Variants in PRSS56 observed in about 807,000 individuals in gnomAD.
The protein encoded by PRSS56 is serine protease 56, also known as protease, serine 56.
In PRSS56, 55 loss-of-function variants were observed where a neutral mutation model predicts 66.8. The observed-to-expected ratio is 0.82, with a 90% CI of 0.66 to 1.03. The LOEUF is 1.03. PRSS56 is among the 50% of genes least tolerant of loss of function. PRSS56 has a pLI of 0.00. For synonymous variants in PRSS56, 409 were observed against 387.9 expected, an observed-to-expected ratio of 1.05 and a Z score of -0.64; for missense variants, 869 against 837.2, an observed-to-expected ratio of 1.04 and a Z score of -0.47.
In PRSS56 at chr2:232,525,441, C is replaced by A; in HGVS notation, c.1747C>A (p.Pro583Thr). Residue 583 changes from proline (P) to threonine (T), a missense_variant, in exon 13 of 13, where the codon CCC becomes ACC. By Grantham distance (38) the Pro-to-Thr change is conservative (BLOSUM62 -1). Coordinates refer to ENST00000617714, the MANE Select transcript of PRSS56 (RefSeq NM_001195129.2). The part of the protein sequence containing the change: ...EGPWMDVGQG[P>T]GLERKGHHPL... The stretch of plus-strand genomic sequence containing the variant: ...ACCCTGGATGGATGTAGGGCAGGGG[C>A]CCGGGCTGGAGAGGAAGGGGCACCA... The A allele has an allele frequency of 6.5e-7, 1 of 1,530,310 alleles. No homozygotes were observed. Among genetic ancestry groups the A allele is most frequent in the Non-Finnish European group, 8.7e-7 (1 of 1,143,564 alleles). 94.8% of individuals were successfully genotyped at this position (1,530,310 alleles called of 1,614,324 possible). A position where few individuals can be genotyped will look rare whatever the true frequency, so the allele number is the denominator to read the frequency against.
chr2:232,522,366 C>T, intron 4 of PRSS56, 149 bp from the exon 5 acceptor site: 2 of 826,342 alleles, frequency 2.4e-6, no homozygotes, highest in East Asian at 3.3e-5. Flanking sequence ...GGCGAGTTCG[C>T]CCCCTCTGGG....
rs1691311975 is a variant in PRSS56, at chr2:232,522,803, C to G, written c.648C>G (p.Pro216=). 6.7e-7 allele frequency: 1 copy of G among 1,503,308 alleles called. No homozygotes were observed. Among genetic ancestry groups the G allele is most frequent in the African/African-American group, 1.4e-5 (1 of 72,212 alleles). The allele number at this position is 1,503,308 out of a possible 1,614,324, so 93.1% of individuals were successfully genotyped here. The change falls in exon 6 of 13, where the codon CCC becomes CCG. Residue 216 remains proline (P), a synonymous_variant. Coordinates refer to ENST00000617714, the MANE Select transcript of PRSS56 (RefSeq NM_001195129.2). ...SARPVCLPQE[P]QEPPAGTACA... ...GCCCCGTGTGCCTGCCCCAGGAGCCCCAGGAGCCCCCTGCCGGAACCGCCT... is the reference window on the plus strand; with the variant it reads ...GCCCCGTGTGCCTGCCCCAGGAGCCGCAGGAGCCCCCTGCCGGAACCGCCT...
intron 8 of PRSS56, 34 bp from the exon 9 acceptor site, chr2:232,523,736 CAG>C: frequency 2.6e-6 from 4 of 1,533,668 alleles, no homozygotes; most frequent in Non-Finnish European, 3.5e-6. Context: ...GGGCCCCAAA[CAG>C]AGGGTGAGCT....
chr2:232,525,288 C>T lies in PRSS56; in HGVS notation c.1594C>T (p.Arg532Trp), dbSNP rs560464510. Residue 532 changes from arginine (R) to tryptophan (W), a missense_variant, in exon 13 of 13, where the codon CGG (arginine) becomes TGG (tryptophan). Physicochemically the swap from Arg to Trp is moderately radical, Grantham distance 101 (BLOSUM62 -3). Coordinates refer to ENST00000617714, the MANE Select transcript of PRSS56 (RefSeq NM_001195129.2). ...CTGGGTGCGGGCAGGCTTGGGGGGC[C>T]GGCATGTGGCCTTCAGCGGCCTGGT... ...RAWVRAGLGG[R>W]HVAFSGLVGL... The T allele has an allele frequency of 2.0e-5, 31 of 1,521,816 alleles. No individual in the cohort carries two copies. Among genetic ancestry groups the T allele is most frequent in the Non-Finnish European group, 2.5e-5 (28 of 1,138,126 alleles). The allele number at this position is 1,521,816 out of a possible 1,614,324, so 94.3% of individuals were successfully genotyped here. A position where few individuals can be genotyped will look rare whatever the true frequency, so the allele number is the denominator to read the frequency against.
At chr2:232,521,613 C>T (rs984583339) in intron 2 of PRSS56, among the ~76,000 whole-genome samples, 185 bp downstream of exon 2, 1 of 152,248 alleles carries the variant, frequency 6.6e-6, no homozygotes, top group African/African-American at 2.4e-5. Context: ...AGGCTTGGGG[C>T]ATGGCCTGTG....
chr2:232,524,479 G>A, intron 11 of PRSS56, 110 bp downstream of exon 11: 3 of 1,076,840 alleles, frequency 2.8e-6, no homozygotes, highest in East Asian at 5.2e-5. Flanking sequence ...GGGGCAACAG[G>A]GTGGACTCGT....
chr2:232,523,976 G>C (rs79792358), intron 9 of PRSS56, 31 bp downstream of exon 9: 1 of 1,521,628 alleles, frequency 6.6e-7, no homozygotes, highest in East Asian at 2.5e-5. Flanking sequence ...CCCGGACGGG[G>C]GGCAGAGGGG....
intron 3 of PRSS56, 48 bp downstream of exon 3, chr2:232,521,914 C>A (rs1453865999): frequency 7.9e-6 from 12 of 1,527,468 alleles, no homozygotes; most frequent in Non-Finnish European, 8.8e-7. Context: ...CCGGGTGGGC[C>A]TCGAAGGCGA....
At chr2:232,523,224 A>G in intron 7 of PRSS56, 22 bp downstream of exon 7, 1 of 1,431,010 alleles carries the variant, frequency 7.0e-7, no homozygotes, top group Middle Eastern at 1.8e-4. Flanking sequence ...GTCTGATGAG[A>G]AAAGGCCGGC....
Position 232,522,175 on chromosome 2 carries a change from C to T in PRSS56, c.446+15C>T. On this transcript the variant is annotated intron_variant, in intron 4 of 12. Transcript: ENST00000617714. ...TGCTTTGTAGGGTAAGTAGGACCCCCAGGCCTTGCCCAGCTGGGGTCCCCG... is the reference window on the plus strand; with the variant it reads ...TGCTTTGTAGGGTAAGTAGGACCCCTAGGCCTTGCCCAGCTGGGGTCCCCG... 1 of 1,465,154 alleles carries T rather than the reference C, an allele frequency of 6.8e-7. No homozygotes were observed. Among genetic ancestry groups the T allele is most frequent in the Non-Finnish European group, 9.0e-7 (1 of 1,112,258 alleles). 90.8% of individuals were successfully genotyped at this position (1,465,154 alleles called of 1,614,324 possible).
chr2:232,521,945 T>C lies in PRSS56; in HGVS notation c.257-26T>C, dbSNP rs961476713. On this transcript the variant is annotated intron_variant, in intron 3 of 12. Coordinates refer to ENST00000617714, the MANE Select transcript of PRSS56 (RefSeq NM_001195129.2). ...GGCGAGGATGGCCAGAACATGTCCC[T>C]CGTGACACCCCTTGCCCCTTTCTAG... 6 of 1,509,548 alleles carry C rather than the reference T, an allele frequency of 4.0e-6. No individual in the cohort carries two copies. The Admixed American group carries it at 6.2e-5, about 15-fold the overall frequency. 93.5% of individuals were successfully genotyped at this position (1,509,548 alleles called of 1,614,324 possible). A position where few individuals can be genotyped will look rare whatever the true frequency, so the allele number is the denominator to read the frequency against.
Position 232,522,824 on chromosome 2 carries a change from C to T in PRSS56, c.669C>T (p.Thr223=), listed in dbSNP as rs777445846. The change falls in exon 6 of 13, where the codon ACC becomes ACT. Residue 223 remains threonine (T), a synonymous_variant. Transcript: ENST00000617714. ...PQEPQEPPAG[T]ACAIAGWGAL... ...AGCCCCAGGAGCCCCCTGCCGGAAC[C>T]GCCTGCGCCATCGCGGGCTGGGGCG... 1.8e-5 allele frequency: 27 copies of T among 1,482,782 alleles called. 1 individual carries two copies. The highest frequency in any genetic ancestry group is 1.3e-4 in the South Asian group (10 of 76,734). 91.9% of individuals were successfully genotyped at this position (1,482,782 alleles called of 1,614,324 possible). A position where few individuals can be genotyped will look rare whatever the true frequency, so the allele number is the denominator to read the frequency against.
chr2:232,523,031 A>G, intron 6 of PRSS56, 29 bp from the exon 7 acceptor site: 4 of 1,532,192 alleles, frequency 2.6e-6, no homozygotes, highest in Non-Finnish European at 3.5e-6. Flanking sequence ...TTGCCCTCCA[A>G]ACCTGAGCCT....
Position 232,523,525 on chromosome 2 carries a change from G to A in PRSS56, c.959G>A (p.Gly320Glu). ...GGCTGCGGGGAGCCAGGGAAGCCCGGGGTCTACACCCGCGTGGCAGTGTTC... is the reference window on the plus strand; with the variant it reads ...GGCTGCGGGGAGCCAGGGAAGCCCGAGGTCTACACCCGCGTGGCAGTGTTC... ...GDGCGEPGKP[G>E]VYTRVAVFKD... Residue 320 changes from glycine (G) to glutamate (E), a missense_variant, in exon 8 of 13, where the codon GGG becomes GAG. Physicochemically the swap from Gly to Glu is moderately conservative, Grantham distance 98 (BLOSUM62 -2). Coordinates refer to ENST00000617714, the MANE Select transcript of PRSS56 (RefSeq NM_001195129.2). 6.5e-7 allele frequency: 1 copy of A among 1,532,762 alleles called. No homozygotes were observed. Among genetic ancestry groups the A allele is most frequent in the Non-Finnish European group, 8.7e-7 (1 of 1,145,628 alleles). 94.9% of individuals were successfully genotyped at this position (1,532,762 alleles called of 1,614,324 possible).
chr2:232,523,975 G>A (rs1321151974), intron 9 of PRSS56, 30 bp downstream of exon 9: 3 of 1,520,226 alleles, frequency 2.0e-6, no homozygotes, highest in Non-Finnish European at 2.6e-6. Flanking sequence ...ACCCGGACGG[G>A]GGGCAGAGGG....
In PRSS56 at chr2:232,520,571, G is replaced by A; in HGVS notation, c.-28G>A. The A allele has an allele frequency of 6.6e-7, 1 of 1,514,836 alleles. No individual in the cohort carries two copies. The highest frequency in any genetic ancestry group is 8.9e-7 in the Non-Finnish European group (1 of 1,127,560). The allele number at this position is 1,514,836 out of a possible 1,614,324, so 93.8% of individuals were successfully genotyped here. On this transcript the variant is annotated 5_prime_UTR_variant, in exon 1 of 13. Coordinates refer to ENST00000617714, the MANE Select transcript of PRSS56 (RefSeq NM_001195129.2). Reference sequence around the variant, plus strand: ...GGACTCCGAGGAGGAGAGAGGACAGGGGTCTCTCACCCCAGCTCCTGGTCA... The same window carrying A: ...GGACTCCGAGGAGGAGAGAGGACAGAGGTCTCTCACCCCAGCTCCTGGTCA...
At position 232,521,319 on chromosome 2, in the gene PRSS56, A is replaced by G. The variant is rs1385846495; in HGVS notation, c.98-2A>G. ...ATGATTGTGTGCCCCCTGTCCCAGC[A>G]GTTCTGTCGGCCCAGGGGACTCAGG... On this transcript the variant is annotated splice_acceptor_variant, in intron 1 of 12. Coordinates refer to ENST00000617714, the MANE Select transcript of PRSS56 (RefSeq NM_001195129.2). LOFTEE classifies it high-confidence loss of function. The G allele has an allele frequency of 6.5e-7, 1 of 1,535,204 alleles. No homozygotes were observed. Among genetic ancestry groups the G allele is most frequent in the Admixed American group, 2.0e-5 (1 of 51,008 alleles).
At chr2:232,523,708 G>A (rs1006560062) in intron 8 of PRSS56, 64 bp from the exon 9 acceptor site, 5 of 1,528,702 alleles carry the variant, frequency 3.3e-6, no homozygotes, top group Middle Eastern at 2.2e-4. Context: ...TCCTTCCGGG[G>A]AAGGAGTGAG....
At position 232,522,935 on chromosome 2, in the gene PRSS56, G is replaced by T. The variant is rs1691316661; in HGVS notation, c.706+74G>T. On this transcript the variant is annotated intron_variant, in intron 6 of 12. Transcript: ENST00000617714. ...GAGGTAATAGAGTGTAGGGAGGCCG[G>T]GTTGCCTTGGAAAAATGCTGCCTGC... 2.8e-6 allele frequency: 4 copies of T among 1,454,178 alleles called. No individual in the cohort carries two copies. The Admixed American group carries it at 9.9e-5, about 36-fold the overall frequency. 90.1% of individuals were successfully genotyped at this position (1,454,178 alleles called of 1,614,324 possible).
Sources: allele counts gnomAD v4.1 joint callset (sites outside exome capture counted in the v4.1 genomes callset), GRCh38; gene constraint gnomAD v4.1.1; transcripts MANE v1.5; gene names NCBI Gene and HGNC (gene_info 2026-07-23, HGNC 2026-07-21).